The following GRIA4 variants were observed in gnomAD, a reference collection of about 807,000 sequenced individuals.
GRIA4 encodes the protein glutamate ionotropic receptor AMPA type subunit 4.
GRIA4 carries 34 observed loss-of-function variants against 104.0 expected under a neutral mutation model. The ratio of observed to expected loss-of-function variants is 0.33; its 90% CI spans 0.25 to 0.44. The LOEUF is 0.44. Ranked by LOEUF, GRIA4 falls within the 20% of genes least tolerant of loss-of-function variation. The pLI, the probability that GRIA4 is intolerant of heterozygous loss-of-function variation, is 1.00. For missense variants in GRIA4, 750 were observed against 1,096.5 expected (o/e 0.68, Z 4.46); for synonymous variants, 386 against 381.9 (o/e 1.01, Z -0.13).
chr11:105,873,852 C>G (rs1043862487), intron 5 of GRIA4, among the ~76,000 whole-genome samples: 1 of 152,086 alleles, frequency 6.6e-6, no homozygotes, highest in African/African-American at 2.4e-5. Context: ...AAAATTTTCT[C>G]CCATTCTGTA....
rs754075825 is a variant in GRIA4 at position 105,903,886 on chromosome 11, A to G, written c.958A>G (p.Ile320Val). 2.1e-5 allele frequency: 34 copies of G among 1,612,558 alleles called. No homozygotes were observed. Among genetic ancestry groups the G allele is most frequent in the Non-Finnish European group, 2.9e-5 (34 of 1,178,734 alleles). The change falls in exon 8 of 17, where the codon ATT becomes GTT. Residue 320 changes from isoleucine to valine, a missense_variant. Coordinates refer to ENST00000282499, the MANE Select transcript of GRIA4 (RefSeq NM_000829.4). ...TTTCCGAAGTCTTAGGAGGCAGAAA[A>G]TTGATATCTCAAGGAGAGGAAATGC... ...ETFRSLRRQKIDISRRGNAGD... is the reference protein window; with the variant it reads ...ETFRSLRRQKVDISRRGNAGD...
chr11:105,760,208 T>A (rs1940545024), intron 4 of GRIA4, among the ~76,000 whole-genome samples: 1 of 152,148 alleles, frequency 6.6e-6, no homozygotes, highest in Admixed American at 6.6e-5. Flanking sequence ...CACATGCTAC[T>A]AATACAGGAG....
chr11:105,850,124 C>A (rs558780061), intron 4 of GRIA4, among the ~76,000 whole-genome samples: 4 of 152,164 alleles, frequency 2.6e-5, no homozygotes, highest in South Asian at 4.2e-4. Flanking sequence ...AAAAGCAAAG[C>A]AAAACTGACT....
chr11:105,892,493 G>A (rs1565320964), intron 6 of GRIA4, among the ~76,000 whole-genome samples: 2 of 152,068 alleles, frequency 1.3e-5, no homozygotes, highest in South Asian at 2.1e-4. Context: ...TACCACTCAC[G>A]CCTCATTCAG....
chr11:105,944,359 G>A (rs1326673959), intron 14 of GRIA4, among the ~76,000 whole-genome samples: 1 of 152,170 alleles, frequency 6.6e-6, no homozygotes, highest in East Asian at 1.9e-4. Context: ...ACATGATCTT[G>A]TATGGGTTCA....
Position 105,974,335 on chromosome 11 carries a change from G to C in GRIA4, c.2435G>C (p.Ser812Thr). The C allele has an allele frequency of 6.2e-7, 1 of 1,613,794 alleles. No homozygotes were observed. The highest frequency in any genetic ancestry group is 8.5e-7 in the Non-Finnish European group (1 of 1,179,710). Reference protein sequence around the residue: ...SKDKTSALSLSNVAGVFYILV... With the variant: ...SKDKTSALSLTNVAGVFYILV... ...GACAAGACGAGTGCCTTGAGCCTGA[G>C]CAATGTAGCAGGCGTCTTCTACATT... The change falls in exon 16 of 17, where the codon AGC becomes ACC. Residue 812 changes from serine to threonine, a missense_variant. Ser to Thr is a moderately conservative substitution (Grantham distance 58, BLOSUM62 1). Around this residue, in one of 3 missense-constraint regions of GRIA4, gnomAD observed 272 missense variants for 524.5 expected, o/e 0.52. Transcript: ENST00000282499.
intron 7 of GRIA4, among the ~76,000 whole-genome samples, chr11:105,898,727 G>A (rs1946751228): frequency 1.3e-5 from 2 of 152,034 alleles, no homozygotes; most frequent in African/African-American, 4.8e-5. Context: ...AAATGTGAAA[G>A]AGCATCCGTA....
At chr11:105,884,278 T>A (rs897720789) in intron 5 of GRIA4, among the ~76,000 whole-genome samples, 1 of 152,242 alleles carries the variant, frequency 6.6e-6, no homozygotes, top group African/African-American at 2.4e-5. Context: ...ATATATTTTT[T>A]AAAAAGCAAT....
At chr11:105,619,333 AT>A (rs1319861868) in intron 3 of GRIA4, among the ~76,000 whole-genome samples, 1 of 152,034 alleles carries the variant, frequency 6.6e-6, no homozygotes, top group Admixed American at 6.6e-5. Flanking sequence ...TTTGGAAAAT[AT>A]TCCACATGTA....
chr11:105,820,913 G>T (rs756151633), intron 4 of GRIA4, among the ~76,000 whole-genome samples: 2 of 152,086 alleles, frequency 1.3e-5, no homozygotes, highest in Non-Finnish European at 2.9e-5. Flanking sequence ...ACCAAAAATT[G>T]GTCAGCAGGC....
intron 14 of GRIA4, chr11:105,966,043 C>T (rs768106574): frequency 1.9e-6 from 3 of 1,611,122 alleles, no homozygotes; most frequent in African/African-American, 1.3e-5. Flanking sequence ...AATGTGGCAG[C>T]GGGGGAGGTG....
At chr11:105,677,057 C>A (rs1051949073) in intron 3 of GRIA4, among the ~76,000 whole-genome samples, 3 of 151,310 alleles carry the variant, frequency 2.0e-5, no homozygotes, top group African/African-American at 4.8e-5. Flanking sequence ...CAAAAGTAGC[C>A]CTATATAATA....
chr11:105,818,008 G>A (rs1243377893), intron 4 of GRIA4, among the ~76,000 whole-genome samples: 1 of 151,992 alleles, frequency 6.6e-6, no homozygotes, highest in Non-Finnish European at 1.5e-5. Context: ...AGTAGTGTAA[G>A]AAGAAAAATA....
intron 3 of GRIA4, among the ~76,000 whole-genome samples, chr11:105,743,013 C>T (rs957581623): frequency 1.3e-5 from 2 of 152,042 alleles, no homozygotes; most frequent in East Asian, 1.9e-4. Context: ...CTGGGATTAC[C>T]GGCATGAGCC....
chr11:105,967,182 T>TTTA (rs1858424314), intron 14 of GRIA4, among the ~76,000 whole-genome samples: 1 of 708 alleles, frequency 1.4e-3, no homozygotes, highest in African/African-American at 2.2e-3. Context: ...TTTTCAAATT[T>TTTA]TTATTATCAC....
At chr11:105,884,615 A>G (rs1208137758) in intron 5 of GRIA4, among the ~76,000 whole-genome samples, 1 of 152,142 alleles carries the variant, frequency 6.6e-6, no homozygotes, top group Non-Finnish European at 1.5e-5. Context: ...CAGGTAAATA[A>G]ATCTCCAGAT....
chr11:105,655,257 G>T lies in GRIA4; in HGVS notation c.247+42823G>T, dbSNP rs1283172143. Among the ~76,000 whole-genome samples the T allele has an allele frequency of 2.6e-5, 4 of 152,020 alleles. No individual in the cohort carries two copies. In the East Asian group the frequency reaches 7.7e-4, roughly 29 times the overall value. ...TTCTTTGTTTCATATCATCATTTTG[G>T]ATATTATCACTTGAGGAAAATAACT... is the stretch of plus-strand genomic sequence containing the variant. On this transcript the variant is annotated intron_variant, in intron 3 of 16. Coordinates refer to ENST00000282499, the MANE Select transcript of GRIA4 (RefSeq NM_000829.4).
At chr11:105,653,157 C>T (rs1176785859) in intron 3 of GRIA4, among the ~76,000 whole-genome samples, 6 of 152,250 alleles carry the variant, frequency 3.9e-5, no homozygotes, top group South Asian at 4.1e-4. Flanking sequence ...GTGATCTGCC[C>T]GCCTCGGCCT....
chr11:105,661,334 T>C (rs1057089933), intron 3 of GRIA4, among the ~76,000 whole-genome samples: 14 of 151,720 alleles, frequency 9.2e-5, no homozygotes, highest in African/African-American at 3.4e-4. Flanking sequence ...AAAATGAGTA[T>C]TGGTTTGTTT....
Sources: allele counts gnomAD v4.1 joint callset (sites outside exome capture counted in the v4.1 genomes callset), GRCh38; gene constraint gnomAD v4.1.1; regional missense constraint gnomAD v4.1.1; transcripts MANE v1.5; gene names NCBI Gene and HGNC (gene_info 2026-07-23, HGNC 2026-07-21).